The following FBLIM1 variants were observed in gnomAD, a reference collection of about 807,000 sequenced individuals.
The protein encoded by FBLIM1 is filamin binding LIM protein 1.
Under a neutral mutation model 37.4 loss-of-function variants are expected in FBLIM1, and 29 were observed. The ratio of observed to expected loss-of-function variants is 0.77; its 90% confidence interval spans 0.58 to 1.06. The LOEUF (loss-of-function observed/expected upper bound fraction) is 1.06, where lower values mean the gene tolerates loss of function less well. FBLIM1 is among the 50% of genes least tolerant of loss of function. The probability of loss-of-function intolerance (pLI) is 0.00; values close to 1 mark genes in which losing one functional copy is unlikely to be tolerated. For synonymous variants in FBLIM1, 193 were observed against 199.0 expected, an observed-to-expected ratio of 0.97 and a Z score of 0.25; for missense variants, 449 against 505.6, an observed-to-expected ratio of 0.89 and a Z score of 1.07.
Position 15,768,512 on chromosome 1 carries a change from G to A in FBLIM1, c.439-16G>A, listed in dbSNP as rs563160101. 6.2e-5 allele frequency: 96 copies of A among 1,537,690 alleles called. 1 individual carries two copies. Among genetic ancestry groups the A allele is most frequent in the South Asian group, 2.9e-4 (23 of 78,260 alleles). On this transcript the variant is annotated splice_polypyrimidine_tract_variant and intron_variant, in intron 4 of 8. Transcript: ENST00000375766. ...ATGGGGTCCCACTGGATGACTCCCC[G>A]TCTGCATCCCCACAGGCCCCAGCGG...
chr1:15,781,750 G>T (rs1347475451), intron 8 of FBLIM1, among the ~76,000 whole-genome samples: 1 of 128,490 alleles, frequency 7.8e-6, no homozygotes, highest in African/African-American at 2.9e-5. Flanking sequence ...ACGGAGTCTC[G>T]CTCTGTCGCC....
chr1:15,767,144 C>T lies in FBLIM1; in HGVS notation c.251-232C>T, dbSNP rs569658523. Reference sequence around the variant, plus strand: ...CTGGGTTCAAGCGAACTGCCTACCTCGGCCTCCCAAAGTGCTGAGATTATA... The same window carrying T: ...CTGGGTTCAAGCGAACTGCCTACCTTGGCCTCCCAAAGTGCTGAGATTATA... On this transcript the variant is annotated intron_variant, in intron 3 of 8. Transcript: ENST00000375766. Among the ~76,000 whole-genome samples, 25 of 152,132 alleles carry T rather than the reference C, an allele frequency of 1.6e-4. No homozygotes were observed. In the East Asian group the frequency reaches 3.5e-3, roughly 21 times the overall value.
chr1:15,782,871 C>T lies in FBLIM1; in HGVS notation c.1009-1677C>T, dbSNP rs140824462. 7.4e-3 allele frequency among the ~76,000 whole-genome samples: 1,100 copies of T among 149,260 alleles called. 12 individuals carry two copies. The highest frequency in any genetic ancestry group is 0.026 in the African/African-American group (1,050 of 40,468). ...TCTCCCAGGCTGGAGTGCAGTGGCG[C>T]GATCTCAGCAACCTCCTCCCGGGTT... On this transcript the variant is annotated intron_variant, in intron 8 of 8. Transcript: ENST00000375766.
chr1:15,773,011 C>T lies in FBLIM1; in HGVS notation c.712-1607C>T, dbSNP rs947381961. On this transcript the variant is annotated intron_variant, in intron 6 of 8. Transcript: ENST00000375766. ...ATGTTGGCCAGGCTTGTCTGGAACT[C>T]CTGACCTCAGGAGATCTGCCTGCCT... Among the ~76,000 whole-genome samples, 3 of 151,868 alleles carry T rather than the reference C, an allele frequency of 2.0e-5. No homozygotes were observed. The South Asian group carries it at 6.2e-4, about 32-fold the overall frequency.
At chr1:15,769,018 T>G (rs2069068989) in intron 5 of FBLIM1, among the ~76,000 whole-genome samples, 1 of 152,168 alleles carries the variant, frequency 6.6e-6, no homozygotes, top group African/African-American at 2.4e-5. Context: ...CCTCTGTCAT[T>G]GAGCTCTCAT....
intron 6 of FBLIM1, among the ~76,000 whole-genome samples, chr1:15,774,341 T>C (rs535896039): frequency 4.6e-5 from 7 of 152,218 alleles, no homozygotes; most frequent in Non-Finnish European, 5.9e-5. Flanking sequence ...TATAGCTCTG[T>C]GGACCCTGGC....
intron 8 of FBLIM1, among the ~76,000 whole-genome samples, chr1:15,778,645 C>CT (rs57110270): frequency 3.5e-4 from 52 of 147,054 alleles, no homozygotes; most frequent in East Asian, 2.0e-4. Context: ...GCTTCTTTTT[C>CT]TTTTTTTTTT....
At position 15,777,304 on chromosome 1, in the gene FBLIM1, T is replaced by C; in HGVS notation, c.1008+17T>C. The C allele has an allele frequency of 6.3e-7, 1 of 1,586,980 alleles. No individual in the cohort carries two copies. The highest frequency in any genetic ancestry group is 8.6e-7 in the Non-Finnish European group (1 of 1,157,224). ...AGGTGTGAGGTGAGTGGAGCCTAGG[T>C]GGTTTAATAACATTCCATTGCTGCG... On this transcript the variant is annotated intron_variant, in intron 8 of 8. Transcript: ENST00000375766.
intron 8 of FBLIM1, among the ~76,000 whole-genome samples, chr1:15,784,143 T>C (rs2069716872): frequency 6.6e-6 from 1 of 152,194 alleles, no homozygotes. Context: ...ATCGTGCCAC[T>C]GCACTCCAGC....
chr1:15,772,399 A>C (rs2069262547), intron 6 of FBLIM1, among the ~76,000 whole-genome samples: 1 of 152,158 alleles, frequency 6.6e-6, no homozygotes, highest in African/African-American at 2.4e-5. Flanking sequence ...AGCTGGAAGC[A>C]GGAAGCAGCC....
intron 6 of FBLIM1, among the ~76,000 whole-genome samples, chr1:15,772,200 T>G (rs1214036745): frequency 6.6e-6 from 1 of 152,134 alleles, no homozygotes; most frequent in Non-Finnish European, 1.5e-5. Context: ...ACGGCTGATT[T>G]GAAGGGTTAG....
intron 5 of FBLIM1, among the ~76,000 whole-genome samples, chr1:15,769,780 C>T (rs1557695086): frequency 6.6e-6 from 1 of 151,798 alleles, no homozygotes; most frequent in Non-Finnish European, 1.5e-5. Context: ...GGACTACAGG[C>T]GCCCGCTACC....
upstream of FBLIM1, among the ~76,000 whole-genome samples, chr1:15,757,544 G>A (rs1028815626): frequency 6.6e-5 from 10 of 152,042 alleles, no homozygotes; most frequent in African/African-American, 1.9e-4. The surrounding 1 kb of genome is among the most constrained non-coding windows in gnomAD (Gnocchi z 4.1). Flanking sequence ...TGGGAGGGGC[G>A]ATGATCAGTG....
intron 1 of FBLIM1, among the ~76,000 whole-genome samples, chr1:15,759,575 C>T (rs2148435021): frequency 6.6e-6 from 1 of 152,328 alleles, no homozygotes; most frequent in East Asian, 1.9e-4. Flanking sequence ...CGGGCTGCTT[C>T]TCCCTCTCAG....
At chr1:15,781,520 CAAAA>C (rs1283687524) in intron 8 of FBLIM1, among the ~76,000 whole-genome samples, 1 of 25,168 alleles carries the variant, frequency 4.0e-5, no homozygotes, top group African/African-American at 1.8e-4. Flanking sequence ...GACTCTGTCT[CAAAA>C]AAAAAAAAAA....
intron 8 of FBLIM1, among the ~76,000 whole-genome samples, chr1:15,780,821 G>A (rs2069616270): frequency 6.6e-6 from 1 of 152,190 alleles, no homozygotes; most frequent in South Asian, 2.1e-4. Context: ...GGGTAGAGAA[G>A]TTGATAAATT....
Position 15,777,205 on chromosome 1 carries a change from CCAT to C in FBLIM1, c.931_933del (p.Ile311del), listed in dbSNP as rs2069519450. 6.2e-7 allele frequency: 1 copy of C among 1,611,980 alleles called. No individual in the cohort carries two copies. The highest frequency in any genetic ancestry group is 8.5e-7 in the Non-Finnish European group (1 of 1,178,602). ...CCCGTCTGCAGCATCTGTGAAAATCCCATCATCCCTCGGGATGGGAAAGATGCC... is the reference window on the plus strand; with the variant it reads ...CCCGTCTGCAGCATCTGTGAAAATCCCATCCCTCGGGATGGGAAAGATGCC... On this transcript the variant is annotated inframe_deletion, in exon 8 of 9. Coordinates refer to ENST00000375766, the MANE Select transcript of FBLIM1 (RefSeq NM_017556.4).
In FBLIM1 at chr1:15,771,419, G is replaced by A. The variant is rs138932245; in HGVS notation, c.711+841G>A. Among the ~76,000 whole-genome samples the A allele has an allele frequency of 1.4e-3, 210 of 151,280 alleles. 3 individuals carry two copies. The East Asian group carries it at 0.037, about 26-fold the overall frequency. On this transcript the variant is annotated intron_variant, in intron 6 of 8. Coordinates refer to ENST00000375766, the MANE Select transcript of FBLIM1 (RefSeq NM_017556.4). ...CTGCCACCATGCCCAACTAATTTTT[G>A]TATTTTTAGTAGAGATGGGATTTCA...
chr1:15,781,306 C>T (rs2069629107), intron 8 of FBLIM1, among the ~76,000 whole-genome samples: 2 of 151,526 alleles, frequency 1.3e-5, no homozygotes, highest in South Asian at 4.2e-4. Context: ...TGCAGTGAGC[C>T]GAGATTGCAC....
Sources: gnomAD v4.1 joint callset for allele counts (sites outside exome capture counted in the v4.1 genomes callset) on GRCh38, gnomAD v4.1.1 for gene constraint, Gnocchi (gnomAD v3.1) non-coding constraint, MANE v1.5 for transcripts, NCBI Gene and HGNC (gene_info 2026-07-23, HGNC 2026-07-21) for gene names.